FN1: variants seen among roughly 807,000 people sequenced by gnomAD.
The protein encoded by FN1 is fibronectin.
FN1 carries 106 observed loss-of-function variants against 297.3 expected under a neutral mutation model. The observed-to-expected ratio is 0.36, with a 90% CI of 0.30 to 0.42. FN1 has a LOEUF of 0.42. Ranked by LOEUF, FN1 falls within the 10% of genes least tolerant of loss-of-function variation. FN1 has a pLI of 1.00. For synonymous variants in FN1, 1,149 were observed against 1,152.6 expected (o/e 1.00, Z 0.06); for missense variants, 2,690 against 3,124.9 (o/e 0.86, Z 3.32).
rs151165091 is a variant in FN1, at chr2:215,365,868, C to T, written c.7019-238G>A. ...TCGCCCAGACTGGAGTGAAGTGGTG[C>T]AATCTCGGCTCACTGTAACCTCCAT... On this transcript the variant is annotated intron_variant, in intron 42 of 45. Transcript: ENST00000354785. The T allele has an allele frequency of 4.1e-4, 83 of 203,796 alleles. 2 individuals are homozygous for T. In the East Asian group the frequency reaches 0.01, roughly 25 times the overall value. 12.6% of individuals were successfully genotyped at this position (203,796 alleles called of 1,614,324 possible). A position where few individuals can be genotyped will look rare whatever the true frequency, so the allele number is the denominator to read the frequency against.
intron 13 of FN1, 72 bp downstream of exon 13, chr2:215,414,765 G>GA (rs770393659): frequency 1.4e-5 from 23 of 1,599,298 alleles, no homozygotes; most frequent in African/African-American, 2.7e-5. Context: ...CAAAAGCTGG[G>GA]AAAAAAAGAA....
At chr2:215,412,986 C>G (rs1244287818) in intron 13 of FN1, among the ~76,000 whole-genome samples, 1 of 152,072 alleles carries the variant, frequency 6.6e-6, no homozygotes, top group African/African-American at 2.4e-5. Flanking sequence ...TTCAATGAGT[C>G]TAACATCATG....
chr2:215,408,000 A>T, intron 17 of FN1, 108 bp downstream of exon 17: 1 of 776,390 alleles, frequency 1.3e-6, no homozygotes, highest in East Asian at 3.1e-5. Context: ...CCCATAAATT[A>T]TATTGGAGAT....
In FN1 at chr2:215,391,151, C is replaced by G. The variant is rs188580328; in HGVS notation, c.4252+481G>C. Among the ~76,000 whole-genome samples, 845 of 152,326 alleles carry G rather than the reference C, an allele frequency of 5.5e-3. 3 individuals carry two copies. Among genetic ancestry groups the G allele is most frequent in the Non-Finnish European group, 9.3e-3 (634 of 68,032 alleles). Reference sequence around the variant, plus strand: ...TTTGAAGTACAAATTAAACTTCTGACTCTCTTCACAACAACATTCTAATCT... The same window carrying G: ...TTTGAAGTACAAATTAAACTTCTGAGTCTCTTCACAACAACATTCTAATCT... On this transcript the variant is annotated intron_variant, in intron 26 of 45. Transcript: ENST00000354785.
chr2:215,433,572 C>G (rs2066910872), intron 2 of FN1, 111 bp from the exon 3 acceptor site: 1 of 1,029,816 alleles, frequency 9.7e-7, no homozygotes. Flanking sequence ...TAACATGGTA[C>G]ACCTCAAAGA....
intron 20 of FN1, among the ~76,000 whole-genome samples, chr2:215,401,257 A>AG (rs1559476133): frequency 0.034 from 1,058 of 31,430 alleles, 13 homozygotes; most frequent in South Asian, 0.08. Flanking sequence ...AAAGGAAGAA[A>AG]GAAAGGAAGG....
At chr2:215,418,347 G>A (rs1034102487) in intron 12 of FN1, among the ~76,000 whole-genome samples, 3 of 152,126 alleles carry the variant, frequency 2.0e-5, no homozygotes, top group South Asian at 2.1e-4. Context: ...CACTACCTTT[G>A]GCCAAGTTGT....
Position 215,407,140 on chromosome 2 carries a change from G to T in FN1, c.2700C>A (p.Gly900=). Residue 900 remains glycine, a synonymous_variant, in exon 18 of 46, where the codon GGC becomes GGA. Transcript: ENST00000354785. ...TPVVIQQETT[G]TPRSDTVPSP... is the part of the protein sequence containing the mutation. ...TAAAAAAGTTACCTGAGCGTGGGGT[G>T]CCAGTGGTTTCTTGTTGAATGACAA... 1 of 1,613,654 alleles carries T rather than the reference G, an allele frequency of 6.2e-7. No individual in the cohort carries two copies. Among genetic ancestry groups the T allele is most frequent in the Non-Finnish European group, 8.5e-7 (1 of 1,179,616 alleles).
In FN1 at chr2:215,406,597, C is replaced by T. The variant is rs2061805625; in HGVS notation, c.2714-87G>A. ...AGTTTCTTGGATATGTTAGGCAGTT[C>T]ATTGAGCCTCTCATTCGAGAGTTTT... On this transcript the variant is annotated intron_variant, in intron 18 of 45. Coordinates refer to ENST00000354785, the MANE Select transcript of FN1 (RefSeq NM_212482.4). 2.9e-6 allele frequency: 4 copies of T among 1,371,742 alleles called. No homozygotes were observed. The Admixed American group carries it at 7.7e-5, about 26-fold the overall frequency. The allele number at this position is 1,371,742 out of a possible 1,614,324, so 85.0% of individuals were successfully genotyped here.
At chr2:215,384,277 A>G (rs2058615660) in intron 29 of FN1, 93 bp from the exon 30 acceptor site, 3 of 1,227,040 alleles carry the variant, frequency 2.4e-6, no homozygotes, top group Non-Finnish European at 3.6e-6. Context: ...AGCAGCATGT[A>G]AATCACATCT....
At chr2:215,399,410 A>T in intron 20 of FN1, 59 bp from the exon 21 acceptor site, 2 of 1,115,486 alleles carry the variant, frequency 1.8e-6, no homozygotes, top group Non-Finnish European at 2.8e-6. Context: ...ATTGCATAGC[A>T]TATAGATAAC....
In FN1 at chr2:215,362,386, T is replaced by G. The variant is rs373203884; in HGVS notation, c.7252-307A>C. 41 of 397,438 alleles carry G rather than the reference T, an allele frequency of 1.0e-4. No individual in the cohort carries two copies. In the East Asian group the frequency reaches 1.4e-3, roughly 14 times the overall value. 24.6% of individuals were successfully genotyped at this position (397,438 alleles called of 1,614,324 possible). A position where few individuals can be genotyped will look rare whatever the true frequency, so the allele number is the denominator to read the frequency against. On this transcript the variant is annotated intron_variant, in intron 44 of 45. Coordinates refer to ENST00000354785, the MANE Select transcript of FN1 (RefSeq NM_212482.4). ...TTCCAATCCCAACTTCCTCAACAAG[T>G]TCTCTGCACTAGATGATAGAAAAGG... is the stretch of plus-strand genomic sequence containing the variant.
intron 24 of FN1, 31 bp from the exon 25 acceptor site, chr2:215,393,234 G>A: frequency 1.2e-6 from 2 of 1,605,670 alleles, no homozygotes; most frequent in South Asian, 1.1e-5. Context: ...GGGAGGGGGA[G>A]GCAAAAGGAA....
intron 5 of FN1, among the ~76,000 whole-genome samples, chr2:215,430,272 T>C (rs1310139492): frequency 6.6e-6 from 1 of 152,206 alleles, no homozygotes; most frequent in Non-Finnish European, 1.5e-5. Flanking sequence ...AAGACAATCT[T>C]AGAAGGAGCA....
chr2:215,422,293 A>C (rs773462994), intron 9 of FN1, 50 bp from the exon 10 acceptor site: 6 of 1,553,902 alleles, frequency 3.9e-6, no homozygotes, highest in Non-Finnish European at 5.3e-6. Context: ...CACCAGGTCT[A>C]AACATGTATG....
intron 13 of FN1, among the ~76,000 whole-genome samples, chr2:215,410,599 C>G (rs1304587655): frequency 1.3e-5 from 2 of 151,968 alleles, no homozygotes; most frequent in African/African-American, 2.4e-5. Flanking sequence ...ACTCCACCTC[C>G]CAGGTTTAAG....
chr2:215,427,335 A>G (rs2065640697), intron 6 of FN1, among the ~76,000 whole-genome samples: 1 of 152,206 alleles, frequency 6.6e-6, no homozygotes, highest in African/African-American at 2.4e-5. Context: ...TTTTTAATTG[A>G]AGGATGGCTG....
rs113372011 is a variant in FN1, at chr2:215,428,413, T to G, written c.686-75A>C. 23 of 1,268,528 alleles carry G rather than the reference T, an allele frequency of 1.8e-5. No homozygotes were observed. In the African/African-American group the frequency reaches 2.5e-4, roughly 14 times the overall value. The allele number at this position is 1,268,528 out of a possible 1,614,324, so 78.6% of individuals were successfully genotyped here. ...GGTCAATTCAAACTTAAAAAAGGAA[T>G]GCTATCTATGCCTGGTAATCTATTT... is the stretch of plus-strand genomic sequence containing the variant. On this transcript the variant is annotated intron_variant, in intron 5 of 45. Coordinates refer to ENST00000354785, the MANE Select transcript of FN1 (RefSeq NM_212482.4).
chr2:215,428,352 G>T lies in FN1; in HGVS notation c.686-14C>A, dbSNP rs1195312302. On this transcript the variant is annotated splice_polypyrimidine_tract_variant and intron_variant, in intron 5 of 45. Coordinates refer to ENST00000354785, the MANE Select transcript of FN1 (RefSeq NM_212482.4). The stretch of plus-strand genomic sequence containing the variant: ...CGTTGCATCTATCTGTGTCACAAAG[G>T]AAGCACATACATACATCAGGTCGAG... 4 of 1,613,270 alleles carry T rather than the reference G, an allele frequency of 2.5e-6. No homozygotes were observed. The South Asian group carries it at 4.4e-5, about 18-fold the overall frequency.
Sources: gnomAD v4.1 joint callset for allele counts (sites outside exome capture counted in the v4.1 genomes callset) on GRCh38, gnomAD v4.1.1 for gene constraint, MANE v1.5 for transcripts, NCBI Gene and HGNC (gene_info 2026-07-23, HGNC 2026-07-21) for gene names.